The following TBC1D22A variants were observed in gnomAD, a reference collection of about 807,000 sequenced individuals.
The protein encoded by TBC1D22A is TBC1 domain family member 22A.
TBC1D22A carries 38 observed loss-of-function variants against 60.2 expected under a neutral mutation model. The ratio of observed to expected loss-of-function variants is 0.63; its 90% CI spans 0.49 to 0.83. The LOEUF (loss-of-function observed/expected upper bound fraction) is 0.83. Ranked by LOEUF, TBC1D22A falls within the 40% of genes least tolerant of loss-of-function variation. TBC1D22A has a pLI of 0.00. For synonymous variants in TBC1D22A, 302 were observed against 281.7 expected (o/e 1.07, Z -0.72); for missense variants, 628 against 701.0 (o/e 0.90, Z 1.18).
At chr22:47,172,638 G>A (rs1234837446) in intron 12 of TBC1D22A, among the ~76,000 whole-genome samples, 1 of 152,220 alleles carries the variant, frequency 6.6e-6, no homozygotes, top group Non-Finnish European at 1.5e-5. Context: ...TTCTTTGGTT[G>A]TAACTGGAAT....
Position 47,086,680 on chromosome 22 carries a change from G to A in TBC1D22A, c.1330-24828G>A, listed in dbSNP as rs114671483. On this transcript the variant is annotated intron_variant, in intron 11 of 12. Coordinates refer to ENST00000337137, the MANE Select transcript of TBC1D22A (RefSeq NM_014346.5). The stretch of plus-strand genomic sequence containing the variant: ...ATCTAATGCCCAACAGCAGAGAGCC[G>A]TCAGCCTATGGGGACTTTCCTCGTA... Among the ~76,000 whole-genome samples, 940 of 152,252 alleles carry A rather than the reference G, an allele frequency of 6.2e-3. 11 individuals carry two copies. Among genetic ancestry groups the A allele is most frequent in the African/African-American group, 0.021 (862 of 41,536 alleles).
At chr22:47,091,024 C>G (rs570513880) in intron 11 of TBC1D22A, among the ~76,000 whole-genome samples, 46 of 113,490 alleles carry the variant, frequency 4.1e-4, no homozygotes, top group Admixed American at 1.1e-3. Flanking sequence ...TTGATAGAGA[C>G]AGGCATGAGA....
chr22:46,776,557 C>G (rs886083262), intron 1 of TBC1D22A, among the ~76,000 whole-genome samples: 2 of 151,838 alleles, frequency 1.3e-5, no homozygotes, highest in African/African-American at 4.8e-5. Context: ...GTGACCTGAT[C>G]AGACCTCCTG....
At chr22:47,045,132 T>A (rs1354809473) in intron 11 of TBC1D22A, among the ~76,000 whole-genome samples, 1 of 152,214 alleles carries the variant, frequency 6.6e-6, no homozygotes, top group Admixed American at 6.5e-5. Context: ...TGTATAATGT[T>A]TTGGGCGCTG....
chr22:46,876,572 A>AC (rs1373867227), intron 4 of TBC1D22A, among the ~76,000 whole-genome samples: 1 of 151,672 alleles, frequency 6.6e-6, no homozygotes, highest in Admixed American at 6.6e-5. Context: ...AGCAGTTCTG[A>AC]CCCCCACATC....
intron 8 of TBC1D22A, among the ~76,000 whole-genome samples, chr22:46,935,432 G>A (rs1032501661): frequency 4.6e-5 from 7 of 152,140 alleles, no homozygotes; most frequent in South Asian, 2.1e-4. Flanking sequence ...GAATTCAGAT[G>A]CACCCCCACT....
chr22:46,780,917 T>G (rs886185506), intron 1 of TBC1D22A, among the ~76,000 whole-genome samples: 1 of 152,186 alleles, frequency 6.6e-6, no homozygotes, highest in African/African-American at 2.4e-5. Context: ...GTATTGGATT[T>G]TAGTATTTTG....
At chr22:47,110,027 G>A (rs2065789942) in intron 11 of TBC1D22A, among the ~76,000 whole-genome samples, 1 of 152,232 alleles carries the variant, frequency 6.6e-6, no homozygotes, top group Admixed American at 6.5e-5. Flanking sequence ...CCGAGGATCT[G>A]TACCCCAGAT....
intron 1 of TBC1D22A, among the ~76,000 whole-genome samples, chr22:46,782,832 C>T (rs1176261161): frequency 6.6e-6 from 1 of 152,198 alleles, no homozygotes; most frequent in Non-Finnish European, 1.5e-5. Flanking sequence ...TAATATTACT[C>T]CATTGTGTGG....
At chr22:47,119,547 T>C (rs1263100227) in intron 12 of TBC1D22A, among the ~76,000 whole-genome samples, 1 of 150,540 alleles carries the variant, frequency 6.6e-6, no homozygotes, top group Non-Finnish European at 1.5e-5. Context: ...CCCGGGCTGG[T>C]GTACAGTGGG....
intron 11 of TBC1D22A, among the ~76,000 whole-genome samples, chr22:47,040,937 C>T (rs1363995707): frequency 6.6e-6 from 1 of 152,128 alleles, no homozygotes; most frequent in East Asian, 1.9e-4. Context: ...AGATCCTCGG[C>T]TGCCTTCAGG....
At chr22:46,957,412 G>A (rs563230224) in intron 8 of TBC1D22A, among the ~76,000 whole-genome samples, 1 of 152,370 alleles carries the variant, frequency 6.6e-6, no homozygotes, top group African/African-American at 2.4e-5. Flanking sequence ...CGAAGGGAAA[G>A]CAGGCATCTT....
At chr22:46,954,231 G>A (rs551935027) in intron 8 of TBC1D22A, among the ~76,000 whole-genome samples, 1 of 152,330 alleles carries the variant, frequency 6.6e-6, no homozygotes, top group South Asian at 2.1e-4. Flanking sequence ...TGCAGGCTGC[G>A]TGACTTTGAA....
At chr22:47,130,914 AG>A (rs1342597087) in intron 12 of TBC1D22A, among the ~76,000 whole-genome samples, 1 of 152,236 alleles carries the variant, frequency 6.6e-6, no homozygotes, top group South Asian at 2.1e-4. Context: ...TATTTGGCTC[AG>A]GGTTTAGCAG....
chr22:47,072,461 AG>A (rs1178243394), intron 11 of TBC1D22A, among the ~76,000 whole-genome samples: 2 of 152,256 alleles, frequency 1.3e-5, no homozygotes, highest in Non-Finnish European at 2.9e-5. Context: ...TGGAGTTCCC[AG>A]TCCCATCCGT....
intron 11 of TBC1D22A, among the ~76,000 whole-genome samples, chr22:47,068,745 C>T (rs2063861230): frequency 2.0e-5 from 3 of 152,170 alleles, no homozygotes; most frequent in Admixed American, 6.5e-5. Context: ...CTCAGCAGTG[C>T]TATTGTTTAG....
At chr22:46,857,812 T>TTCA (rs2087647125) in intron 4 of TBC1D22A, among the ~76,000 whole-genome samples, 1 of 152,242 alleles carries the variant, frequency 6.6e-6, no homozygotes, top group Admixed American at 6.5e-5. Context: ...GCACGCCTGC[T>TTCA]TCATTCTTTT....
chr22:47,104,899 A>G (rs778834765), intron 11 of TBC1D22A, among the ~76,000 whole-genome samples: 5 of 151,562 alleles, frequency 3.3e-5, no homozygotes, highest in Non-Finnish European at 7.4e-5. Context: ...CCTGGGAACA[A>G]CCCCCCGACC....
At chr22:47,063,895 T>C (rs2063669551) in intron 11 of TBC1D22A, among the ~76,000 whole-genome samples, 1 of 152,064 alleles carries the variant, frequency 6.6e-6, no homozygotes, top group African/African-American at 2.4e-5. Flanking sequence ...GTGTCCACGT[T>C]TTCCTCTTCT....
Sources: gnomAD v4.1 joint callset for allele counts (sites outside exome capture counted in the v4.1 genomes callset) on GRCh38, gnomAD v4.1.1 for gene constraint, MANE v1.5 for transcripts, NCBI Gene and HGNC (gene_info 2026-07-23, HGNC 2026-07-21) for gene names.